BBIP1: variants seen among roughly 807,000 people sequenced by gnomAD.
BBIP1 encodes the protein BBSome interacting protein 1.
BBIP1 carries 6 observed loss-of-function variants against 8.9 expected under a neutral mutation model. The observed-to-expected ratio is 0.67, with a 90% CI of 0.37 to 1.33. BBIP1 has a LOEUF of 1.33. Among genes scored for constraint, BBIP1 ranks in the 40% most tolerant of loss-of-function variants. BBIP1 has a pLI of 0.02. For synonymous variants in BBIP1, 32 were observed against 33.4 expected (o/e 0.96, Z 0.14); for missense variants, 111 against 109.2 (o/e 1.02, Z -0.07).
rs1379965358 is a variant in BBIP1 at position 110,899,198 on chromosome 10, T to C, written c.*1162A>G. On this transcript the variant is annotated 3_prime_UTR_variant, in exon 4 of 4. Transcript: ENST00000448814. ...AGCAAGGCCTCAACGTCTGTGCTAA[T>C]TTAAACTGCCAAATATTGACTGCAG... The C allele has an allele frequency of 6.6e-6, 1 of 152,214 alleles. No individual in the cohort carries two copies. Among genetic ancestry groups the C allele is most frequent in the Non-Finnish European group, 1.5e-5 (1 of 68,034 alleles). The allele number at this position is 152,214 out of a possible 1,614,324, so 9.4% of individuals were successfully genotyped here. A position where few individuals can be genotyped will look rare whatever the true frequency, so the allele number is the denominator to read the frequency against.
At chr10:110,918,238 TG>T in intron 1 of BBIP1, 25 bp from the exon 2 acceptor site, 1 of 1,204,598 alleles carries the variant, frequency 8.3e-7, no homozygotes, top group South Asian at 1.3e-5. Context: ...ATGATAACTT[TG>T]TAAAGGGCCA....
At chr10:110,909,075 G>A (rs568507345) in intron 2 of BBIP1, among the ~76,000 whole-genome samples, 1 of 152,242 alleles carries the variant, frequency 6.6e-6, no homozygotes, top group East Asian at 1.9e-4. Context: ...ATGGGGTGGT[G>A]ATTAACTCAG....
rs879599775 is a variant in BBIP1 at position 110,905,575 on chromosome 10, C to CA, written c.38-3964dup. 8.0e-4 allele frequency among the ~76,000 whole-genome samples: 111 copies of CA among 138,782 alleles called. 1 individual carries two copies. Among genetic ancestry groups the CA allele is most frequent in the Middle Eastern group, 7.9e-3 (2 of 252 alleles). The allele number at this position is 138,782 out of a possible 152,430, so 91.0% of individuals were successfully genotyped here. ...AGACTCCGTCCTCCCCCCACCCCTCCAAAAAAAAAAATCCCTGGTGTGATT... is the reference window on the plus strand; with the variant it reads ...AGACTCCGTCCTCCCCCCACCCCTCCAAAAAAAAAAAATCCCTGGTGTGATT... On this transcript the variant is annotated intron_variant, in intron 2 of 3. Transcript: ENST00000448814.
intron 2 of BBIP1, 157 bp downstream of exon 2, chr10:110,917,964 G>A (rs1195469727): frequency 2.5e-5 from 16 of 648,930 alleles, no homozygotes; most frequent in Non-Finnish European, 4.3e-5. Flanking sequence ...ATCACAAAAG[G>A]TGACTGCTAC....
At chr10:110,918,379 G>A (rs184002406) in intron 1 of BBIP1, among the ~76,000 whole-genome samples, 166 bp from the exon 2 acceptor site, 3 of 152,316 alleles carry the variant, frequency 2.0e-5, no homozygotes, top group East Asian at 3.9e-4. Flanking sequence ...CGGAAAGGGG[G>A]GAAAAATCAG....
intron 3 of BBIP1, 198 bp from the exon 4 acceptor site, chr10:110,900,724 G>A (rs1432965709): frequency 6.0e-6 from 3 of 497,136 alleles, no homozygotes; most frequent in African/African-American, 6.0e-5. Flanking sequence ...GGGTGCTTCT[G>A]AGGAAGACAA....
At chr10:110,914,125 C>G (rs752602719) in intron 2 of BBIP1, among the ~76,000 whole-genome samples, 4 of 152,148 alleles carry the variant, frequency 2.6e-5, no homozygotes, top group Non-Finnish European at 5.9e-5. Flanking sequence ...GACTTTGCAA[C>G]TACAGTAAAA....
chr10:110,902,013 G>T (rs1846017499), intron 2 of BBIP1: 1 of 165,200 alleles, frequency 6.1e-6, no homozygotes, highest in Non-Finnish European at 1.3e-5. Flanking sequence ...GATGGGGGTG[G>T]TGAGGCAGGT....
intron 2 of BBIP1, chr10:110,904,853 A>G (rs958657629): frequency 3.9e-5 from 6 of 152,242 alleles, no homozygotes; most frequent in Non-Finnish European, 8.8e-5. Context: ...GCAGATTGTC[A>G]AGGCATACCT....
intron 2 of BBIP1, among the ~76,000 whole-genome samples, chr10:110,914,260 G>T (rs964435814): frequency 6.6e-6 from 1 of 151,998 alleles, no homozygotes; most frequent in Non-Finnish European, 1.5e-5. Flanking sequence ...TTTATGTAAA[G>T]AGTATTTTTC....
At chr10:110,908,792 T>TAAAAAA (rs11320285) in intron 2 of BBIP1, among the ~76,000 whole-genome samples, 1 of 142,536 alleles carries the variant, frequency 7.0e-6, no homozygotes. Flanking sequence ...AAGGAATGCT[T>TAAAAAA]AAAAAAAAAA....
chr10:110,918,856 A>G (rs1416476060), intron 1 of BBIP1: 1 of 152,394 alleles, frequency 6.6e-6, no homozygotes, highest in African/African-American at 2.4e-5. Flanking sequence ...TCACTTTGCA[A>G]CTAAGGTCAA....
At chr10:110,904,444 T>A (rs1477766972) in intron 2 of BBIP1, 2 of 152,092 alleles carry the variant, frequency 1.3e-5, no homozygotes, top group African/African-American at 4.8e-5. Context: ...AAGAAGAAAA[T>A]CATGATGACC....
chr10:110,908,699 G>C (rs1013511724), intron 2 of BBIP1, among the ~76,000 whole-genome samples: 2 of 151,776 alleles, frequency 1.3e-5, no homozygotes, highest in African/African-American at 4.8e-5. Context: ...GATGGGGGAG[G>C]AACTTTAGGT....
intron 2 of BBIP1, among the ~76,000 whole-genome samples, chr10:110,909,070 G>T (rs180773242): frequency 9.5e-4 from 144 of 152,300 alleles, no homozygotes; most frequent in African/African-American, 3.3e-3. Flanking sequence ...CTGTGATGGG[G>T]TGGTGATTAA....
chr10:110,913,721 G>A (rs537706866), intron 2 of BBIP1, among the ~76,000 whole-genome samples: 1 of 152,308 alleles, frequency 6.6e-6, no homozygotes, highest in East Asian at 1.9e-4. Context: ...CTAACCTAGA[G>A]AAGTAAATGC....
At chr10:110,904,549 T>C (rs963108820) in intron 2 of BBIP1, 3 of 152,224 alleles carry the variant, frequency 2.0e-5, no homozygotes, top group African/African-American at 7.2e-5. Context: ...AAAAGTCTGA[T>C]AGTATCCACA....
rs1447824105 is a variant in BBIP1, at chr10:110,913,045, A to C, written c.37+5076T>G. On this transcript the variant is annotated intron_variant, in intron 2 of 3. Coordinates refer to ENST00000448814, the MANE Select transcript of BBIP1 (RefSeq NM_001195305.3). ...TAGAGTCTGTCATTTCTTTCTAATC[A>C]ATCTATTTCACCTTTATGTTTTAAA... 2.0e-5 allele frequency among the ~76,000 whole-genome samples: 3 copies of C among 152,306 alleles called. No individual in the cohort carries two copies. In the East Asian group the frequency reaches 5.8e-4, roughly 29 times the overall value.
At chr10:110,900,547 GAATT>G (rs1845969020) in intron 3 of BBIP1, 21 bp from the exon 4 acceptor site, 3 of 1,499,658 alleles carry the variant, frequency 2.0e-6, no homozygotes, top group African/African-American at 2.8e-5. Flanking sequence ...CAAGAAATAA[GAATT>G]AATTCAAGAA....
Sources: gnomAD v4.1 joint callset for allele counts (sites outside exome capture counted in the v4.1 genomes callset) on GRCh38, gnomAD v4.1.1 for gene constraint, MANE v1.5 for transcripts, NCBI Gene and HGNC (gene_info 2026-07-23, HGNC 2026-07-21) for gene names.